The following FAM47E variants were observed in gnomAD, a reference collection of about 807,000 sequenced individuals.
FAM47E encodes family with sequence similarity 47 member E.
Under a neutral mutation model 41.6 loss-of-function variants are expected in FAM47E, and 32 were observed. The ratio of observed to expected loss-of-function variants is 0.77; its 90% CI spans 0.58 to 1.03. The LOEUF (loss-of-function observed/expected upper bound fraction) is 1.03. Ranked by LOEUF, FAM47E falls within the 50% of genes least tolerant of loss-of-function variation. The probability of loss-of-function intolerance (pLI) is 0.00; values close to 1 mark genes in which losing one functional copy is unlikely to be tolerated. For missense variants in FAM47E, 424 were observed against 485.4 expected, an observed-to-expected ratio of 0.87 and a Z score of 1.19; for synonymous variants, 184 against 188.7, an observed-to-expected ratio of 0.98 and a Z score of 0.20.
intron 4 of FAM47E, among the ~76,000 whole-genome samples, chr4:76,269,961 C>T (rs891213989): frequency 6.6e-6 from 1 of 152,074 alleles, no homozygotes; most frequent in Non-Finnish European, 1.5e-5. Context: ...ATTCCATGTC[C>T]CCACCCCATC....
upstream of FAM47E, among the ~76,000 whole-genome samples, chr4:76,250,156 T>TA (rs1447560298): frequency 6.6e-6 from 1 of 152,158 alleles, no homozygotes; most frequent in African/African-American, 2.4e-5. Context: ...ATAGTGGTTT[T>TA]ACTAGTTTAC....
At position 76,251,814 on chromosome 4, in the gene FAM47E, G is replaced by C. The variant is rs1733974208; in HGVS notation, c.68G>C (p.Arg23Thr). Reference sequence around the variant, plus strand: ...CCGGTGCGCGAGGGCGTGAACTGCAGGTCCAGGTAAACACTCAGCGCCCGG... The same window carrying C: ...CCGGTGCGCGAGGGCGTGAACTGCACGTCCAGGTAAACACTCAGCGCCCGG... ...LAPVREGVNCRSRCFTKHKNG... is the reference protein window; with the variant it reads ...LAPVREGVNCTSRCFTKHKNG... Residue 23 changes from arginine to threonine, a missense_variant, in exon 1 of 8, where the codon AGG (arginine) becomes ACG (threonine). Coordinates refer to ENST00000424749, the MANE Select transcript of FAM47E (RefSeq NM_001136570.3). The C allele has an allele frequency of 6.7e-7, 1 of 1,482,346 alleles. No homozygotes were observed. 91.8% of individuals were successfully genotyped at this position (1,482,346 alleles called of 1,614,324 possible).
At position 76,256,373 on chromosome 4, in the gene FAM47E, G is replaced by A. The variant is rs1169221831; in HGVS notation, c.270G>A (p.Arg90=). 6.4e-7 allele frequency: 1 copy of A among 1,551,736 alleles called. No homozygotes were observed. Among genetic ancestry groups the A allele is most frequent in the Non-Finnish European group, 8.7e-7 (1 of 1,147,158 alleles). The change falls in exon 2 of 8, where the codon AGG becomes AGA. Residue 90 remains arginine (R), a synonymous_variant. Coordinates refer to ENST00000424749, the MANE Select transcript of FAM47E (RefSeq NM_001136570.3). The part of the protein sequence containing the change: ...HRAPQLAPKK[R]QIKLLKEADV... ...CTCCCCAACTGGCCCCAAAGAAGAG[G>A]CAGATCAAGCTGCTCAAGGAAGCAG...
intron 1 of FAM47E, 49 bp from the exon 2 acceptor site, chr4:76,256,129 A>G: frequency 6.6e-7 from 1 of 1,515,980 alleles, no homozygotes; most frequent in Non-Finnish European, 8.9e-7. Flanking sequence ...GGTTAATATG[A>G]ACAGGCATGT....
At chr4:76,258,625 G>C (rs562168832) in intron 2 of FAM47E, among the ~76,000 whole-genome samples, 9 of 152,288 alleles carry the variant, frequency 5.9e-5, no homozygotes, top group Non-Finnish European at 1.2e-4. Flanking sequence ...GGTGATGGGA[G>C]GTTTATCCAA....
chr4:76,215,251 T>G (rs1172493560), intron 1 of FAM47E, among the ~76,000 whole-genome samples: 5 of 152,232 alleles, frequency 3.3e-5, no homozygotes, highest in Non-Finnish European at 7.3e-5. Context: ...CTATAGTGTA[T>G]TATCCTCATT....
intron 2 of FAM47E, among the ~76,000 whole-genome samples, chr4:76,225,105 A>C (rs1733372037): frequency 6.6e-6 from 1 of 152,212 alleles, no homozygotes. Context: ...AGGTTGCTGC[A>C]AATGCTATTA....
chr4:76,237,279 A>G (rs1413400880), intron 2 of FAM47E, among the ~76,000 whole-genome samples: 3 of 151,264 alleles, frequency 2.0e-5, no homozygotes, highest in Non-Finnish European at 2.9e-5. Flanking sequence ...CCCACTTCCC[A>G]TCATGCCTCA....
At chr4:76,273,856 A>AT (rs34537987) in intron 5 of FAM47E, among the ~76,000 whole-genome samples, 53,891 of 146,478 alleles carry the variant, frequency 0.37, 10,078 homozygotes, top group Admixed American at 0.43. Context: ...TAAATTCTCT[A>AT]TTTTTTTTTC....
At chr4:76,226,185 G>A (rs535193163) in intron 2 of FAM47E, among the ~76,000 whole-genome samples, 6 of 152,286 alleles carry the variant, frequency 3.9e-5, no homozygotes, top group Admixed American at 6.5e-5. Flanking sequence ...TGGAGGCTGC[G>A]AAGGCCCTGA....
chr4:76,217,757 C>T (rs986014644), intron 2 of FAM47E: 26 of 486,372 alleles, frequency 5.3e-5, no homozygotes, highest in African/African-American at 1.4e-4. Context: ...CAAGGAGATA[C>T]GGTGATCTCT....
At chr4:76,234,552 G>T (rs1026617937) in intron 2 of FAM47E, 4 of 152,186 alleles carry the variant, frequency 2.6e-5, no homozygotes, top group Non-Finnish European at 5.9e-5. Context: ...AAGTGAGGCG[G>T]CCAGGCTCCT....
intron 1 of FAM47E, among the ~76,000 whole-genome samples, chr4:76,252,289 C>T (rs1166957273): frequency 2.0e-5 from 3 of 152,154 alleles, no homozygotes; most frequent in Non-Finnish European, 4.4e-5. Flanking sequence ...GGGGGAGCGC[C>T]TGGGGTGCTA....
At chr4:76,224,548 T>G (rs563041537) in intron 2 of FAM47E, among the ~76,000 whole-genome samples, 3 of 152,204 alleles carry the variant, frequency 2.0e-5, no homozygotes, top group African/African-American at 7.2e-5. Flanking sequence ...GAATAAACAA[T>G]TATAACTTTT....
intron 5 of FAM47E, among the ~76,000 whole-genome samples, chr4:76,277,488 T>TG (rs1560753255): frequency 1.4e-5 from 2 of 145,368 alleles, no homozygotes; most frequent in African/African-American, 5.2e-5. Flanking sequence ...AGACTCCGTC[T>TG]CAAAAAAAAA....
intron 3 of FAM47E, among the ~76,000 whole-genome samples, chr4:76,264,298 A>G (rs1000125446): frequency 2.6e-5 from 4 of 152,132 alleles, no homozygotes; most frequent in South Asian, 2.1e-4. Flanking sequence ...CTGGACTCAA[A>G]TGATCCTCCT....
chr4:76,256,704 A>G (rs1734209615), intron 2 of FAM47E, among the ~76,000 whole-genome samples, 181 bp downstream of exon 2: 2 of 152,160 alleles, frequency 1.3e-5, no homozygotes, highest in Admixed American at 1.3e-4. Context: ...TTCCCAGAAA[A>G]CACAATCAGC....
At chr4:76,280,445 C>A in intron 7 of FAM47E, 104 bp downstream of exon 7, 1 of 624,770 alleles carries the variant, frequency 1.6e-6, no homozygotes, top group Non-Finnish European at 2.8e-6. Context: ...AGTTCTCTTA[C>A]AGGCACATAC....
upstream of FAM47E, among the ~76,000 whole-genome samples, chr4:76,247,635 A>G (rs1733855559): frequency 6.6e-6 from 1 of 152,150 alleles, no homozygotes; most frequent in South Asian, 2.1e-4. Context: ...TATTATAACC[A>G]TCCTAATTGG....
Sources: gnomAD v4.1 joint callset for allele counts (sites outside exome capture counted in the v4.1 genomes callset) on GRCh38, gnomAD v4.1.1 for gene constraint, MANE v1.5 for transcripts, NCBI Gene and HGNC (gene_info 2026-07-23, HGNC 2026-07-21) for gene names.